Variants in VEGFA observed in about 807,000 individuals in gnomAD.
The protein encoded by VEGFA is vascular endothelial growth factor A, also known as vascular endothelial growth factor A, long form.
Under a neutral mutation model 49.7 loss-of-function variants are expected in VEGFA, and 20 were observed. The ratio of observed to expected loss-of-function variants is 0.40; its 90% CI spans 0.28 to 0.58. The LOEUF is 0.58. VEGFA is among the 20% of genes least tolerant of loss of function. The pLI is 0.40. For missense variants in VEGFA, 505 were observed against 553.5 expected (o/e 0.91, Z 0.88); for synonymous variants, 219 against 223.4 (o/e 0.98, Z 0.18).
At chr6:43,774,303 C>CTGCCCA (rs776396589) in intron 1 of VEGFA, 38 bp from the exon 2 acceptor site, 6 of 1,612,554 alleles carry the variant, frequency 3.7e-6, no homozygotes, top group South Asian at 2.2e-5. Context: ...ACCCCAGCCC[C>CTGCCCA]TGCCCATGCC....
chr6:43,778,299 G>GAGC, intron 3 of VEGFA, 161 bp from the exon 4 acceptor site: 1 of 712,286 alleles, frequency 1.4e-6, no homozygotes, highest in Non-Finnish European at 2.6e-6. Flanking sequence ...GGGTGGGCCT[G>GAGC]AGCCTCTTTC....
At position 43,770,619 on chromosome 6, in the gene VEGFA, G is replaced by A; in HGVS notation, c.-88G>A. 6.8e-7 allele frequency: 1 copy of A among 1,460,176 alleles called. No homozygotes were observed. The highest frequency in any genetic ancestry group is 9.0e-7 in the Non-Finnish European group (1 of 1,115,140). The allele number at this position is 1,460,176 out of a possible 1,614,324, so 90.5% of individuals were successfully genotyped here. A position where few individuals can be genotyped will look rare whatever the true frequency, so the allele number is the denominator to read the frequency against. ...GGCGTGCGAGCAGCGAAAGCGACAGGGGCAAAGTGAGTGACCTGCTTTTGG... is the reference window on the plus strand; with the variant it reads ...GGCGTGCGAGCAGCGAAAGCGACAGAGGCAAAGTGAGTGACCTGCTTTTGG... On this transcript the variant is annotated 5_prime_UTR_variant, in exon 1 of 8. Transcript: ENST00000672860.
rs982021226 is a variant in VEGFA, at chr6:43,784,948, A to T, written c.*386A>T. On this transcript the variant is annotated 3_prime_UTR_variant, in exon 8 of 8. Transcript: ENST00000672860. ...TATATATATATATTATATATATATA[A>T]AAATAAATATCTCTATTTTATATAT... 1.3e-4 allele frequency: 24 copies of T among 178,838 alleles called. No homozygotes were observed. The highest frequency in any genetic ancestry group is 7.8e-4 in the East Asian group (8 of 10,232). The allele number at this position is 178,838 out of a possible 1,614,324, so 11.1% of individuals were successfully genotyped here.
At position 43,770,817 on chromosome 6, in the gene VEGFA, G is replaced by C; in HGVS notation, c.111G>C (p.Ala37=). The C allele has an allele frequency of 6.6e-7, 1 of 1,512,994 alleles. No individual in the cohort carries two copies. Among genetic ancestry groups the C allele is most frequent in the Non-Finnish European group, 8.8e-7 (1 of 1,132,718 alleles). 93.7% of individuals were successfully genotyped at this position (1,512,994 alleles called of 1,614,324 possible). The stretch of plus-strand genomic sequence containing the variant: ...GCCGCGGGCAGGGGCCGGAGCCCGC[G>C]CCCGGAGGCGGGGTGGAGGGGGTCG... The change falls in exon 1 of 8, where the codon GCG becomes GCC. Residue 37 remains alanine, a synonymous_variant. Coordinates refer to ENST00000672860, the MANE Select transcript of VEGFA (RefSeq NM_003376.6).
At chr6:43,774,870 G>C (rs1455375288) in intron 2 of VEGFA, 2 of 185,562 alleles carry the variant, frequency 1.1e-5, no homozygotes, top group Admixed American at 1.1e-4. Context: ...GCATTCCTTT[G>C]GGGGTGGAGA....
intron 7 of VEGFA, chr6:43,782,600 C>T (rs1190547601): frequency 8.6e-6 from 2 of 233,878 alleles, no homozygotes; most frequent in South Asian, 5.7e-5. Flanking sequence ...GAGTCTCCCA[C>T]TTCAGACTGG....
rs1046333364 is a variant in VEGFA, at chr6:43,779,424, G to A, written c.962+506G>A. 46 of 337,150 alleles carry A rather than the reference G, an allele frequency of 1.4e-4. 1 individual carries two copies. Among genetic ancestry groups the A allele is most frequent in the African/African-American group, 5.1e-4 (24 of 47,042 alleles). The allele number at this position is 337,150 out of a possible 1,614,324, so 20.9% of individuals were successfully genotyped here. On this transcript the variant is annotated intron_variant, in intron 5 of 7. Transcript: ENST00000672860. ...GGCAGACACACAGCCCTCTTGGCCAGGGAGAAAAAGTTGAATGTTGGTCAT... is the reference window on the plus strand; with the variant it reads ...GGCAGACACACAGCCCTCTTGGCCAAGGAGAAAAAGTTGAATGTTGGTCAT...
At chr6:43,779,721 G>T in intron 5 of VEGFA, 1 of 466,150 alleles carries the variant, frequency 2.1e-6, no homozygotes, top group Non-Finnish European at 4.3e-6. Context: ...AGGGGATGCG[G>T]AAACCTTCCT....
chr6:43,780,322 C>T (rs1311172973), intron 5 of VEGFA: 8 of 325,600 alleles, frequency 2.5e-5, no homozygotes, highest in Non-Finnish European at 4.8e-5. Context: ...CCTTTTATCA[C>T]CCCCGGACCT....
At chr6:43,771,395 G>A in intron 1 of VEGFA, 83 bp downstream of exon 1, 1 of 1,413,546 alleles carries the variant, frequency 7.1e-7, no homozygotes, top group Non-Finnish European at 9.5e-7. Context: ...CGCGCGCGTG[G>A]GGGCTCCGTG....
intron 2 of VEGFA, chr6:43,776,983 T>C (rs1164320007): frequency 3.1e-6 from 1 of 317,888 alleles, no homozygotes; most frequent in Non-Finnish European, 6.2e-6. Context: ...CTGTACACAG[T>C]ACTCAGGATG....
At chr6:43,779,648 C>T (rs769218913) in intron 5 of VEGFA, 1 of 462,706 alleles carries the variant, frequency 2.2e-6, no homozygotes, top group Non-Finnish European at 4.3e-6. Context: ...GCTGTGCGGA[C>T]ATTGAAGCCC....
chr6:43,780,862 C>A, intron 6 of VEGFA, 59 bp downstream of exon 6: 1 of 1,613,368 alleles, frequency 6.2e-7, no homozygotes, highest in Non-Finnish European at 8.5e-7. Context: ...CCAGTACAAC[C>A]TCCGCCTGCC....
chr6:43,778,437 T>C (rs1348930962), intron 3 of VEGFA, 23 bp from the exon 4 acceptor site: 13 of 1,612,470 alleles, frequency 8.1e-6, no homozygotes, highest in South Asian at 1.1e-5. Flanking sequence ...CTAACCTCTG[T>C]GATCTGCTTC....
In VEGFA at chr6:43,777,775, G is replaced by A. The variant is rs781301653; in HGVS notation, c.855+110G>A. On this transcript the variant is annotated intron_variant, in intron 3 of 7. Transcript: ENST00000672860. The surrounding 1 kb of genome is among the most constrained non-coding windows in gnomAD (Gnocchi z 4.3). ...GCTAGATTTGCCTTGTCTGGCTCCT[G>A]CCCCTGAGTTGCACAGGGGAGGTAT... 3.3e-6 allele frequency: 4 copies of A among 1,223,636 alleles called. No homozygotes were observed. Among genetic ancestry groups the A allele is most frequent in the Non-Finnish European group, 4.6e-6 (4 of 876,232 alleles). The allele number at this position is 1,223,636 out of a possible 1,614,324, so 75.8% of individuals were successfully genotyped here.
intron 1 of VEGFA, 56 bp from the exon 2 acceptor site, chr6:43,774,285 G>T (rs1764580749): frequency 4.4e-6 from 7 of 1,596,610 alleles, no homozygotes; most frequent in Non-Finnish European, 6.0e-6. Context: ...GGGTGGCTGG[G>T]CCTGTGCACC....
At chr6:43,779,869 T>C (rs1766815476) in intron 5 of VEGFA, 2 of 374,868 alleles carry the variant, frequency 5.3e-6, no homozygotes, top group South Asian at 3.9e-5. Context: ...CTGGTTCTCT[T>C]GAAGGGGACA....
At chr6:43,778,119 G>A (rs141092704) in intron 3 of VEGFA, 3 of 475,306 alleles carry the variant, frequency 6.3e-6, no homozygotes, top group Non-Finnish European at 1.2e-5. Flanking sequence ...GGTTGCTTTC[G>A]GGTATCTACT....
At position 43,777,708 on chromosome 6, in the gene VEGFA, G is replaced by T; in HGVS notation, c.855+43G>T. On this transcript the variant is annotated intron_variant, in intron 3 of 7. Transcript: ENST00000672860. This position sits in a 1 kb window ranked among gnomAD's most constrained non-coding sequence, Gnocchi z 4.3. Reference sequence around the variant, plus strand: ...GTGGGGCAAGGGGGGGATAGGGAGGGGGGTAACACTTTGGGAACAGGTGGT... The same window carrying T: ...GTGGGGCAAGGGGGGGATAGGGAGGTGGGTAACACTTTGGGAACAGGTGGT... The T allele has an allele frequency of 4.3e-6, 3 of 696,500 alleles. No individual in the cohort carries two copies. The highest frequency in any genetic ancestry group is 7.4e-6 in the Non-Finnish European group (3 of 406,446). The allele number at this position is 696,500 out of a possible 1,614,324, so 43.1% of individuals were successfully genotyped here.
Sources: allele counts gnomAD v4.1 joint callset, GRCh38; gene constraint gnomAD v4.1.1; non-coding constraint Gnocchi (gnomAD v3.1); transcripts MANE v1.5; gene names NCBI Gene and HGNC (gene_info 2026-07-23, HGNC 2026-07-21).